Variants in CREB1 observed in about 807,000 individuals in gnomAD.
The protein encoded by CREB1 is cAMP responsive element binding protein 1.
In CREB1, 2 loss-of-function variants were observed where a neutral mutation model predicts 42.0. That is an observed-to-expected ratio of 0.05 (90% confidence interval 0.02 to 0.15). CREB1 has a LOEUF of 0.15. CREB1 is among the 10% of genes least tolerant of loss of function. The pLI is 1.00. For synonymous variants in CREB1, 123 were observed against 139.9 expected (o/e 0.88, Z 0.85); for missense variants, 199 against 388.9 (o/e 0.51, Z 4.11).
intron 1 of CREB1, among the ~76,000 whole-genome samples, chr2:207,551,171 G>C (rs1436055992): frequency 6.6e-6 from 1 of 152,084 alleles, no homozygotes; most frequent in Non-Finnish European, 1.5e-5. Flanking sequence ...TCATTCTCCT[G>C]ACTATTGCTG....
chr2:207,545,524 TCTTA>T (rs2081269231), intron 1 of CREB1, among the ~76,000 whole-genome samples: 1 of 151,724 alleles, frequency 6.6e-6, no homozygotes, highest in African/African-American at 2.4e-5. Flanking sequence ...AGAGAAAGGT[TCTTA>T]TATGTTTTAT....
At chr2:207,571,914 C>T in intron 5 of CREB1, 1 of 307,348 alleles carries the variant, frequency 3.3e-6, no homozygotes, top group Non-Finnish European at 6.6e-6. Flanking sequence ...TCGTCTCCTC[C>T]AGCAGCTGAA....
intron 3 of CREB1, among the ~76,000 whole-genome samples, chr2:207,560,768 C>G (rs952682683): frequency 6.6e-6 from 1 of 152,098 alleles, no homozygotes; most frequent in Non-Finnish European, 1.5e-5. Flanking sequence ...ATAACCTTAC[C>G]TAAGATATTA....
intron 1 of CREB1, among the ~76,000 whole-genome samples, chr2:207,553,359 G>A (rs1242712224): frequency 2.0e-5 from 3 of 152,144 alleles, no homozygotes; most frequent in Non-Finnish European, 4.4e-5. Context: ...GTGAGCCATC[G>A]CGCCGGGCCC....
rs1221359161 is a variant in CREB1, at chr2:207,601,123, GCTTT to G, written c.*4066_*4069del. ...ATACCTTTTCAGTTGTTTTCAAGAG[GCTTT>G]ATTTTTGTTGCCTTTGTAGCCCTGA... On this transcript the variant is annotated 3_prime_UTR_variant, in exon 8 of 8. Transcript: ENST00000353267. The G allele has an allele frequency of 2.4e-5, 2 of 83,396 alleles. No homozygotes were observed. Among genetic ancestry groups the G allele is most frequent in the African/African-American group, 6.1e-5 (1 of 16,364 alleles). The allele number at this position is 83,396 out of a possible 1,614,324, so 5.2% of individuals were successfully genotyped here. A position where few individuals can be genotyped will look rare whatever the true frequency, so the allele number is the denominator to read the frequency against.
Position 207,598,226 on chromosome 2 carries a change from T to C in CREB1, c.*1168T>C, listed in dbSNP as rs1380145733. ...TGTTAGATGTGCACAAGGAAAGTTA[T>C]TTTCAGACATATTTGAATGACTGCT... On this transcript the variant is annotated 3_prime_UTR_variant, in exon 8 of 8. Coordinates refer to ENST00000353267, the MANE Select transcript of CREB1 (RefSeq NM_004379.5). 5.5e-6 allele frequency: 1 copy of C among 183,318 alleles called. No individual in the cohort carries two copies. The highest frequency in any genetic ancestry group is 1.2e-5 in the Non-Finnish European group (1 of 86,276). The allele number at this position is 183,318 out of a possible 1,614,324, so 11.4% of individuals were successfully genotyped here.
At chr2:207,559,829 T>G (rs767334997) in intron 2 of CREB1, among the ~76,000 whole-genome samples, 2 of 152,200 alleles carry the variant, frequency 1.3e-5, no homozygotes, top group Non-Finnish European at 2.9e-5. Context: ...ATTTGTGTTT[T>G]TAAAAATGGA....
At chr2:207,540,626 C>A (rs1288389948) in intron 1 of CREB1, among the ~76,000 whole-genome samples, 1 of 125,758 alleles carries the variant, frequency 8.0e-6, no homozygotes, top group Admixed American at 9.9e-5. Context: ...CATAGTGAGA[C>A]CCTGTGTCAA....
intron 1 of CREB1, among the ~76,000 whole-genome samples, chr2:207,532,761 G>T (rs552212786): frequency 1.4e-4 from 21 of 151,406 alleles, no homozygotes; most frequent in Admixed American, 1.3e-3. Flanking sequence ...TTATTTATTT[G>T]TTTTTTTGAG....
rs2087431552 is a variant in CREB1, at chr2:207,603,290, A to G, written c.*6232A>G. 1 of 222,442 alleles carries G rather than the reference A, an allele frequency of 4.5e-6. No individual in the cohort carries two copies. Among genetic ancestry groups the G allele is most frequent in the Middle Eastern group, 1.4e-3 (1 of 730 alleles). The allele number at this position is 222,442 out of a possible 1,614,324, so 13.8% of individuals were successfully genotyped here. A position where few individuals can be genotyped will look rare whatever the true frequency, so the allele number is the denominator to read the frequency against. ...TTCAGAATAGTAGCAGTTGCTTTGT[A>G]TATTAAAGTGATCCTTGTGAATTTG... On this transcript the variant is annotated 3_prime_UTR_variant, in exon 8 of 8. Transcript: ENST00000353267.
intron 1 of CREB1, among the ~76,000 whole-genome samples, chr2:207,530,539 C>A (rs1213846940): frequency 1.4e-5 from 2 of 145,784 alleles, no homozygotes; most frequent in Admixed American, 6.8e-5. Flanking sequence ...CGGGGGAGGC[C>A]GCCCGCTCGG....
At chr2:207,572,990 A>C (rs1461296682) in intron 5 of CREB1, among the ~76,000 whole-genome samples, 1 of 152,198 alleles carries the variant, frequency 6.6e-6, no homozygotes, top group Non-Finnish European at 1.5e-5. Flanking sequence ...AAATCTTATT[A>C]GTGATTCTGC....
At chr2:207,593,442 A>T (rs989193108) in intron 7 of CREB1, among the ~76,000 whole-genome samples, 1 of 152,182 alleles carries the variant, frequency 6.6e-6, no homozygotes, top group Non-Finnish European at 1.5e-5. Context: ...AGGCAGGAAG[A>T]TCACTTGAGC....
chr2:207,593,172 C>CT (rs1559077662), intron 7 of CREB1, among the ~76,000 whole-genome samples: 1 of 152,222 alleles, frequency 6.6e-6, no homozygotes, highest in African/African-American at 2.4e-5. Context: ...AATAACCCAT[C>CT]TGATCTTACA....
In CREB1 at chr2:207,604,499, A is replaced by C. The variant is rs2087725070; in HGVS notation, c.*7441A>C. ...TCCTAATTTCTCCACATCTTTCTTAAGTGCAGTGACCAAACCGGATGAGAA... is the reference window on the plus strand; with the variant it reads ...TCCTAATTTCTCCACATCTTTCTTACGTGCAGTGACCAAACCGGATGAGAA... On this transcript the variant is annotated 3_prime_UTR_variant, in exon 8 of 8. Coordinates refer to ENST00000353267, the MANE Select transcript of CREB1 (RefSeq NM_004379.5). Among the ~76,000 whole-genome samples the C allele has an allele frequency of 6.6e-6, 1 of 151,820 alleles. No individual in the cohort carries two copies. Among genetic ancestry groups the C allele is most frequent in the Admixed American group, 6.6e-5 (1 of 15,218 alleles).
chr2:207,577,191 C>A, intron 6 of CREB1: 1 of 1,086,504 alleles, frequency 9.2e-7, no homozygotes, highest in Non-Finnish European at 1.1e-6. Flanking sequence ...GGAAGATCAT[C>A]CAAGCTGTGC....
chr2:207,546,932 T>C (rs56075788), intron 1 of CREB1, among the ~76,000 whole-genome samples: 2,195 of 152,306 alleles, frequency 0.014, 55 homozygotes, highest in African/African-American at 0.051. Flanking sequence ...GTAATTAGCA[T>C]ATTGCATAAT....
intron 5 of CREB1, among the ~76,000 whole-genome samples, chr2:207,574,486 G>GT (rs2082495374): frequency 6.6e-6 from 1 of 152,138 alleles, no homozygotes; most frequent in Non-Finnish European, 1.5e-5. Context: ...TTTTCATAAA[G>GT]TGAAATATCT....
At chr2:207,575,568 A>C (rs1574876189) in intron 6 of CREB1, 114 bp downstream of exon 6, 1 of 863,226 alleles carries the variant, frequency 1.2e-6, no homozygotes, top group East Asian at 2.6e-5. Context: ...TGTAGTTAAC[A>C]TTTCTTCAAT....
Sources: allele counts gnomAD v4.1 joint callset (sites outside exome capture counted in the v4.1 genomes callset), GRCh38; gene constraint gnomAD v4.1.1; transcripts MANE v1.5; gene names NCBI Gene and HGNC (gene_info 2026-07-23, HGNC 2026-07-21).